Variants in PTPRS observed in about 807,000 individuals in gnomAD.
PTPRS encodes the protein protein tyrosine phosphatase receptor type S.
In PTPRS, 63 loss-of-function variants were observed where a neutral mutation model predicts 215.3. That is an observed-to-expected ratio of 0.29 (90% confidence interval 0.24 to 0.36). The LOEUF is 0.36. Ranked by LOEUF, PTPRS falls within the 10% of genes least tolerant of loss-of-function variation. PTPRS has a pLI of 1.00. For missense variants in PTPRS, 2,258 were observed against 2,825.8 expected, an observed-to-expected ratio of 0.80 and a Z score of 4.56; for synonymous variants, 1,404 against 1,191.4, an observed-to-expected ratio of 1.18 and a Z score of -3.68.
intron 1 of PTPRS, among the ~76,000 whole-genome samples, chr19:5,305,946 A>AAAAAAAAG (rs2049478397): frequency 7.5e-6 from 1 of 132,822 alleles, no homozygotes; most frequent in East Asian, 2.1e-4. Context: ...TCTCAAAAAA[A>AAAAAAAAG]AAAAAAAAAA....
chr19:5,221,065 G>C lies in PTPRS; in HGVS notation c.3390C>G (p.Pro1130=). ...TGATGAAGCCGTCAGCATCAGGCTT[G>C]GGGGCGACGCTGGGCTTGCCGTTGA... The part of the protein sequence containing the change: ...NLLNGKPSVA[P]KPDADGFIMV... The change falls in exon 20 of 38, where the codon CCC becomes CCG. Residue 1130 remains proline (P), a synonymous_variant. Transcript: ENST00000262963. The C allele has an allele frequency of 6.2e-7, 1 of 1,613,852 alleles. No homozygotes were observed. Among genetic ancestry groups the C allele is most frequent in the Non-Finnish European group, 8.5e-7 (1 of 1,179,986 alleles).
At chr19:5,259,188 T>C (rs1265495142) in intron 7 of PTPRS, among the ~76,000 whole-genome samples, 3 of 152,224 alleles carry the variant, frequency 2.0e-5, no homozygotes, top group African/African-American at 4.8e-5. Context: ...TTTTCAAGCA[T>C]ATTTAAAACC....
rs761177032 is a variant in PTPRS at position 5,220,389 on chromosome 19, G to A, written c.3456-36C>T. On this transcript the variant is annotated intron_variant, in intron 20 of 37. Transcript: ENST00000262963. Reference sequence around the variant, plus strand: ...ATGGGAAAGAGTCAGAGGGGCTGTCGATAGGGATGACCAAGGGATGCTTCA... The same window carrying A: ...ATGGGAAAGAGTCAGAGGGGCTGTCAATAGGGATGACCAAGGGATGCTTCA... 7 of 1,549,474 alleles carry A rather than the reference G, an allele frequency of 4.5e-6. No individual in the cohort carries two copies. In the East Asian group the frequency reaches 6.8e-5, roughly 15 times the overall value.
chr19:5,267,263 C>T (rs1052122036), intron 4 of PTPRS, among the ~76,000 whole-genome samples: 3 of 152,148 alleles, frequency 2.0e-5, no homozygotes, highest in Non-Finnish European at 4.4e-5. Flanking sequence ...CTGGAATCTC[C>T]TGGTCCCAGA....
intron 22 of PTPRS, 117 bp from the exon 23 acceptor site, chr19:5,219,584 A>G: frequency 7.7e-7 from 1 of 1,295,266 alleles, no homozygotes; most frequent in Non-Finnish European, 1.0e-6. Flanking sequence ...CTATATTCCT[A>G]GAACCTTGAC....
At chr19:5,284,731 G>A (rs993317558) in intron 2 of PTPRS, among the ~76,000 whole-genome samples, 31 of 152,182 alleles carry the variant, frequency 2.0e-4, no homozygotes, top group Non-Finnish European at 3.7e-4. Flanking sequence ...TGGATTGCTT[G>A]AGCTCAGGAG....
intron 5 of PTPRS, among the ~76,000 whole-genome samples, chr19:5,263,410 C>T (rs1187143496): frequency 1.3e-5 from 2 of 151,852 alleles, no homozygotes; most frequent in Admixed American, 1.3e-4. Flanking sequence ...AAGCGGAGAA[C>T]AGGTAGGTAG....
At chr19:5,224,779 C>A (rs1284252846) in intron 17 of PTPRS, among the ~76,000 whole-genome samples, 1 of 152,024 alleles carries the variant, frequency 6.6e-6, no homozygotes, top group Admixed American at 6.6e-5. Context: ...GAGGAGGTGG[C>A]GTTAGAGCTG....
At chr19:5,238,810 G>GC (rs1264068776) in intron 13 of PTPRS, 109 bp downstream of exon 13, 18 of 1,386,362 alleles carry the variant, frequency 1.3e-5, no homozygotes, top group South Asian at 1.6e-5. Flanking sequence ...GCCGGGAGGC[G>GC]CCCCCCACCC....
intron 4 of PTPRS, among the ~76,000 whole-genome samples, chr19:5,268,768 C>CTG (rs1371585224): frequency 6.6e-6 from 1 of 152,214 alleles, no homozygotes; most frequent in East Asian, 1.9e-4. Context: ...CAGGCAGTCA[C>CTG]ACACTTGTCC....
intron 37 of PTPRS, 64 bp from the exon 38 acceptor site, chr19:5,206,906 C>A: frequency 6.7e-7 from 1 of 1,497,928 alleles, no homozygotes; most frequent in Non-Finnish European, 9.3e-7. Flanking sequence ...GGCTCCCTAT[C>A]GCCCTCAGGA....
chr19:5,218,934 T>C, intron 23 of PTPRS, 136 bp from the exon 24 acceptor site: 3 of 934,762 alleles, frequency 3.2e-6, no homozygotes, highest in Non-Finnish European at 4.8e-6. Context: ...CTCTGGAAAA[T>C]GGTGCTCATA....
At chr19:5,229,209 G>A (rs1276038585) in intron 16 of PTPRS, 107 bp downstream of exon 16, 5 of 1,208,240 alleles carry the variant, frequency 4.1e-6, no homozygotes, top group African/African-American at 3.1e-5. Flanking sequence ...GGGCCCAGAG[G>A]AGGAGACCGT....
At chr19:5,219,267 C>A in intron 23 of PTPRS, 43 bp downstream of exon 23, 1 of 1,609,324 alleles carries the variant, frequency 6.2e-7, no homozygotes, top group Non-Finnish European at 8.5e-7. Context: ...TCCAGGAAGC[C>A]CTCCCTGCTG....
chr19:5,212,274 T>C (rs946797286), intron 31 of PTPRS, 24 bp from the exon 32 acceptor site: 2 of 1,608,762 alleles, frequency 1.2e-6, no homozygotes, highest in Non-Finnish European at 1.7e-6. Context: ...CACGTGGCGT[T>C]CAGGGGCTGC....
At chr19:5,302,366 AAAC>A (rs1368732172) in intron 1 of PTPRS, among the ~76,000 whole-genome samples, 3 of 152,114 alleles carry the variant, frequency 2.0e-5, no homozygotes, top group African/African-American at 2.4e-5. Context: ...CCCTGTCTAG[AAAC>A]AACAACTTTC....
chr19:5,303,866 G>T (rs540761184), intron 1 of PTPRS, among the ~76,000 whole-genome samples: 1 of 147,074 alleles, frequency 6.8e-6, no homozygotes, highest in Admixed American at 7.2e-5. Flanking sequence ...CAGGAGAATC[G>T]CTTGAACCCG....
At chr19:5,238,866 C>T (rs1424567612) in intron 13 of PTPRS, 53 bp downstream of exon 13, 31 of 1,501,760 alleles carry the variant, frequency 2.1e-5, no homozygotes, top group African/African-American at 4.4e-5. Context: ...GGGCTGTCTG[C>T]GGTCAGGCCG....
rs144894070 is a variant in PTPRS, at chr19:5,267,908, G to A, written c.380-2712C>T. 3.5e-3 allele frequency among the ~76,000 whole-genome samples: 529 copies of A among 152,042 alleles called. 7 individuals carry two copies. Among genetic ancestry groups the A allele is most frequent in the African/African-American group, 0.012 (515 of 41,496 alleles). ...TTATCAGCCGGGCACAGTGGGTCAC[G>A]CCTATAATCCCAGCACTTTGAGAGG... On this transcript the variant is annotated intron_variant, in intron 4 of 37. Coordinates refer to ENST00000262963, the MANE Select transcript of PTPRS (RefSeq NM_002850.4).
Sources: allele counts gnomAD v4.1 joint callset (sites outside exome capture counted in the v4.1 genomes callset), GRCh38; gene constraint gnomAD v4.1.1; transcripts MANE v1.5; gene names NCBI Gene and HGNC (gene_info 2026-07-23, HGNC 2026-07-21).